APOL1: variants seen among roughly 807,000 people sequenced by gnomAD.
APOL1 encodes the protein apolipoprotein L1, also known as apolipoprotein L 1.
Under a neutral mutation model 14.9 loss-of-function variants are expected in APOL1, and 17 were observed. That is an observed-to-expected ratio of 1.14 (90% confidence interval 0.78 to 1.71). The LOEUF is 1.71. APOL1 is among the 40% of genes most tolerant of loss of function. The pLI, the probability that APOL1 is intolerant of heterozygous loss-of-function variation, is 0.00. For synonymous variants in APOL1, 195 were observed against 184.8 expected, an observed-to-expected ratio of 1.05 and a Z score of -0.45; for missense variants, 523 against 485.9, an observed-to-expected ratio of 1.08 and a Z score of -0.72.
chr22:36,260,463 A>G (rs1255773621), intron 4 of APOL1, among the ~76,000 whole-genome samples: 7 of 152,250 alleles, frequency 4.6e-5, no homozygotes, highest in African/African-American at 1.7e-4. Flanking sequence ...GCCTCAGTGC[A>G]CACACAAATA....
Position 36,255,094 on chromosome 22 carries a change from C to T in APOL1, c.44+95C>T, listed in dbSNP as rs1457714826. Reference sequence around the variant, plus strand: ...TTGGGCTGGGCCAGGGCCATCTGGGCTTCTTCTAGGAACCAAAGTCACTTC... The same window carrying T: ...TTGGGCTGGGCCAGGGCCATCTGGGTTTCTTCTAGGAACCAAAGTCACTTC... On this transcript the variant is annotated intron_variant, in intron 2 of 5. Transcript: ENST00000397278. 3.5e-6 allele frequency: 5 copies of T among 1,426,034 alleles called. No individual in the cohort carries two copies. The Admixed American group carries it at 5.2e-5, about 15-fold the overall frequency. 88.3% of individuals were successfully genotyped at this position (1,426,034 alleles called of 1,614,324 possible).
At chr22:36,254,675 A>T (rs1340678568) in intron 1 of APOL1, among the ~76,000 whole-genome samples, 1 of 152,182 alleles carries the variant, frequency 6.6e-6, no homozygotes, top group Non-Finnish European at 1.5e-5. Context: ...ATCCTGGCTA[A>T]CATGGTGAAA....
chr22:36,266,054 C>T lies in APOL1; in HGVS notation c.*21C>T. On this transcript the variant is annotated 3_prime_UTR_variant, in exon 6 of 6. Transcript: ENST00000397278. ...TGTGACCACAGGGCAGGGCAGCCAC[C>T]AGGAGAGATATGCCTGGCAGGGGCC... is the stretch of plus-strand genomic sequence containing the variant. 1 of 1,568,102 alleles carries T rather than the reference C, an allele frequency of 6.4e-7. No homozygotes were observed. Among genetic ancestry groups the T allele is most frequent in the Non-Finnish European group, 8.6e-7 (1 of 1,159,298 alleles).
At position 36,266,385 on chromosome 22, in the gene APOL1, G is replaced by C; in HGVS notation, c.*352G>C. On this transcript the variant is annotated 3_prime_UTR_variant, in exon 6 of 6. Coordinates refer to ENST00000397278, the MANE Select transcript of APOL1 (RefSeq NM_003661.4). ...ATTACAGGCGTGAGCCATCGCTTTT[G>C]ACCCAAATGCAAACATTTTATTAGG... 1 of 400,420 alleles carries C rather than the reference G, an allele frequency of 2.5e-6. No individual in the cohort carries two copies. Among genetic ancestry groups the C allele is most frequent in the East Asian group, 3.6e-5 (1 of 27,726 alleles). The allele number at this position is 400,420 out of a possible 1,614,324, so 24.8% of individuals were successfully genotyped here.
In APOL1 at chr22:36,265,405, C is replaced by A. The variant is rs371826870; in HGVS notation, c.569C>A (p.Thr190Asn). The change falls in exon 6 of 6, where the codon ACC (threonine) becomes AAC (asparagine). Residue 190 changes from threonine to asparagine, a missense_variant. Transcript: ENST00000397278. Reference protein sequence around the residue: ...GSLSISSGILTLVGMGLAPFT... With the variant: ...GSLSISSGILNLVGMGLAPFT... Reference sequence around the variant, plus strand: ...CTCAGCATTTCCTCTGGCATCCTGACCCTCGTCGGCATGGGTCTGGCACCC... The same window carrying A: ...CTCAGCATTTCCTCTGGCATCCTGAACCTCGTCGGCATGGGTCTGGCACCC... 1 of 1,613,408 alleles carries A rather than the reference C, an allele frequency of 6.2e-7. No homozygotes were observed. The highest frequency in any genetic ancestry group is 2.2e-5 in the East Asian group (1 of 44,840).
At position 36,266,128 on chromosome 22, in the gene APOL1, G is replaced by C; in HGVS notation, c.*95G>C. On this transcript the variant is annotated 3_prime_UTR_variant, in exon 6 of 6. Coordinates refer to ENST00000397278, the MANE Select transcript of APOL1 (RefSeq NM_003661.4). ...TTTTTCTGAGACAGAGTCTTGCTCT[G>C]TCGCCAAGTTGGAGTGCAATGGTGC... 7.2e-7 allele frequency: 1 copy of C among 1,392,522 alleles called. No individual in the cohort carries two copies. Among genetic ancestry groups the C allele is most frequent in the Non-Finnish European group, 9.7e-7 (1 of 1,033,860 alleles). 86.3% of individuals were successfully genotyped at this position (1,392,522 alleles called of 1,614,324 possible). A position where few individuals can be genotyped will look rare whatever the true frequency, so the allele number is the denominator to read the frequency against.
chr22:36,256,684 C>G (rs2015892299), intron 2 of APOL1, among the ~76,000 whole-genome samples: 2 of 152,192 alleles, frequency 1.3e-5, no homozygotes, highest in South Asian at 4.1e-4. Context: ...AGTCATTTAC[C>G]ATGAGCGTGT....
chr22:36,262,420 G>T (rs984133304), intron 5 of APOL1, among the ~76,000 whole-genome samples: 1 of 152,212 alleles, frequency 6.6e-6, no homozygotes, highest in Non-Finnish European at 1.5e-5. Flanking sequence ...AATAGGAATA[G>T]CAACTCAATG....
chr22:36,255,084 G>T lies in APOL1; in HGVS notation c.44+85G>T, dbSNP rs1269709633. 30 of 1,473,900 alleles carry T rather than the reference G, an allele frequency of 2.0e-5. 1 individual carries two copies. Among genetic ancestry groups the T allele is most frequent in the Non-Finnish European group, 3.8e-6 (4 of 1,055,758 alleles). The allele number at this position is 1,473,900 out of a possible 1,614,324, so 91.3% of individuals were successfully genotyped here. Reference sequence around the variant, plus strand: ...TGGACTGGGCTTGGGCTGGGCCAGGGCCATCTGGGCTTCTTCTAGGAACCA... The same window carrying T: ...TGGACTGGGCTTGGGCTGGGCCAGGTCCATCTGGGCTTCTTCTAGGAACCA... On this transcript the variant is annotated intron_variant, in intron 2 of 5. Transcript: ENST00000397278.
intron 4 of APOL1, among the ~76,000 whole-genome samples, chr22:36,260,272 G>A (rs2016036610): frequency 1.3e-5 from 2 of 152,290 alleles, no homozygotes; most frequent in Admixed American, 1.3e-4. Context: ...GCAGGCGCCT[G>A]TAGTCCCAGC....
intron 1 of APOL1, among the ~76,000 whole-genome samples, 187 bp downstream of exon 1, chr22:36,253,406 C>A (rs2015754107): frequency 6.6e-6 from 1 of 152,216 alleles, no homozygotes; most frequent in African/African-American, 2.4e-5. Flanking sequence ...GTTGGGGAAA[C>A]AGCTCAGATG....
At chr22:36,256,182 G>T (rs915735058) in intron 2 of APOL1, among the ~76,000 whole-genome samples, 2 of 150,920 alleles carry the variant, frequency 1.3e-5, no homozygotes, top group East Asian at 1.9e-4. Flanking sequence ...ATATGTTTTG[G>T]TTTTTTTTTG....
rs1254279875 is a variant in APOL1 at position 36,266,577 on chromosome 22, G to C, written c.*544G>C. 5 of 398,856 alleles carry C rather than the reference G, an allele frequency of 1.3e-5. No individual in the cohort carries two copies. In the East Asian group the frequency reaches 1.8e-4, roughly 14 times the overall value. The allele number at this position is 398,856 out of a possible 1,614,324, so 24.7% of individuals were successfully genotyped here. A position where few individuals can be genotyped will look rare whatever the true frequency, so the allele number is the denominator to read the frequency against. On this transcript the variant is annotated 3_prime_UTR_variant, in exon 6 of 6. Transcript: ENST00000397278. Reference sequence around the variant, plus strand: ...GGAAAAATGGGAACTGGAGAGTGTGGGGAATGGGAAGAAGCAGTTTACTTT... The same window carrying C: ...GGAAAAATGGGAACTGGAGAGTGTGCGGAATGGGAAGAAGCAGTTTACTTT...
At chr22:36,256,432 T>C (rs2015880837) in intron 2 of APOL1, among the ~76,000 whole-genome samples, 1 of 152,188 alleles carries the variant, frequency 6.6e-6, no homozygotes, top group Non-Finnish European at 1.5e-5. Context: ...ATAATTTATA[T>C]GAGGAATTAG....
intron 4 of APOL1, among the ~76,000 whole-genome samples, chr22:36,258,520 C>T (rs1233955063): frequency 2.6e-5 from 4 of 152,092 alleles, no homozygotes; most frequent in East Asian, 1.9e-4. Context: ...GGGAGGTCTC[C>T]GAATACAGGT....
At chr22:36,262,842 GA>G (rs1292406919) in intron 5 of APOL1, among the ~76,000 whole-genome samples, 4 of 152,170 alleles carry the variant, frequency 2.6e-5, no homozygotes, top group African/African-American at 9.7e-5. Flanking sequence ...CCCTGACATT[GA>G]CAAGCAGTAT....
intron 5 of APOL1, among the ~76,000 whole-genome samples, chr22:36,261,960 G>C (rs1346553297): frequency 6.6e-6 from 1 of 152,234 alleles, no homozygotes; most frequent in East Asian, 1.9e-4. Context: ...CCATCTGCTG[G>C]TGATGGGAAC....
chr22:36,253,153 G>T lies in APOL1; in HGVS notation c.-86G>T. 2.0e-6 allele frequency: 1 copy of T among 497,394 alleles called. No homozygotes were observed. Among genetic ancestry groups the T allele is most frequent in the Non-Finnish European group, 4.0e-6 (1 of 249,478 alleles). 30.8% of individuals were successfully genotyped at this position (497,394 alleles called of 1,614,324 possible). A position where few individuals can be genotyped will look rare whatever the true frequency, so the allele number is the denominator to read the frequency against. On this transcript the variant is annotated 5_prime_UTR_variant, in exon 1 of 6. Coordinates refer to ENST00000397278, the MANE Select transcript of APOL1 (RefSeq NM_003661.4). ...TGGTTATTATACAGACGCATAACTG[G>T]AGGTGGGATCCACACAGCTCAGAAC...
At chr22:36,255,459 C>A (rs2015840848) in intron 2 of APOL1, among the ~76,000 whole-genome samples, 1 of 152,238 alleles carries the variant, frequency 6.6e-6, no homozygotes. Context: ...TCTCCTGTCA[C>A]CCTTGTCCCT....
Sources: gnomAD v4.1 joint callset for allele counts (sites outside exome capture counted in the v4.1 genomes callset) on GRCh38, gnomAD v4.1.1 for gene constraint, MANE v1.5 for transcripts, NCBI Gene and HGNC (gene_info 2026-07-23, HGNC 2026-07-21) for gene names.